The following NFASC variants were observed in gnomAD, a reference collection of about 807,000 sequenced individuals.
NFASC encodes the protein neurofascin, also known as neurofascin homolog.
Under a neutral mutation model 147.5 loss-of-function variants are expected in NFASC, and 43 were observed. The ratio of observed to expected loss-of-function variants is 0.29; its 90% confidence interval spans 0.23 to 0.38. NFASC has a LOEUF of 0.38. Among genes scored for constraint, NFASC ranks in the 10% least tolerant of loss-of-function variants. NFASC has a pLI of 1.00. For missense variants in NFASC, 1,320 were observed against 1,689.0 expected, an observed-to-expected ratio of 0.78 and a Z score of 3.83; for synonymous variants, 622 against 665.5, an observed-to-expected ratio of 0.93 and a Z score of 1.01.
intron 1 of NFASC, among the ~76,000 whole-genome samples, chr1:204,881,294 G>A (rs969012655): frequency 2.0e-5 from 3 of 152,226 alleles, no homozygotes; most frequent in African/African-American, 4.8e-5. Context: ...GTGCAGAGCC[G>A]CTGGGCATTA....
intron 1 of NFASC, among the ~76,000 whole-genome samples, chr1:204,864,253 A>G (rs766146481): frequency 2.0e-5 from 3 of 152,218 alleles, no homozygotes; most frequent in Non-Finnish European, 4.4e-5. Flanking sequence ...CGTTTTGTTT[A>G]TCCACTCATC....
intron 1 of NFASC, among the ~76,000 whole-genome samples, chr1:204,860,630 T>G (rs1327137071): frequency 6.6e-6 from 1 of 152,236 alleles, no homozygotes; most frequent in African/African-American, 2.4e-5. Flanking sequence ...AGTATGCAAT[T>G]CAGTGGCATT....
chr1:204,982,162 A>G (rs972431507), intron 21 of NFASC, 142 bp downstream of exon 21: 7 of 522,386 alleles, frequency 1.3e-5, no homozygotes, highest in African/African-American at 2.0e-5. Flanking sequence ...AGTGACCTAG[A>G]GCAGACAGGC....
chr1:204,844,994 C>G (rs2102567872), intron 1 of NFASC, among the ~76,000 whole-genome samples: 1 of 152,216 alleles, frequency 6.6e-6, no homozygotes, highest in Non-Finnish European at 1.5e-5. Flanking sequence ...AAGGAATGTG[C>G]TTATTAAGGC....
At chr1:204,917,004 T>G (rs1284345982) in intron 1 of NFASC, among the ~76,000 whole-genome samples, 1 of 152,142 alleles carries the variant, frequency 6.6e-6, no homozygotes. Context: ...TTGCTTGAGT[T>G]CAAGAGTTCA....
At chr1:205,009,205 C>T (rs1162696814) in intron 27 of NFASC, 12 of 388,546 alleles carry the variant, frequency 3.1e-5, no homozygotes, top group South Asian at 6.5e-5. Context: ...ATGGCCAATC[C>T]GTGGCCATCC....
At chr1:204,887,772 A>G (rs892248690) in intron 1 of NFASC, among the ~76,000 whole-genome samples, 1 of 151,024 alleles carries the variant, frequency 6.6e-6, no homozygotes, top group African/African-American at 2.4e-5. Context: ...AATTTTTTAT[A>G]TTTTTTGTAG....
intron 1 of NFASC, among the ~76,000 whole-genome samples, chr1:204,897,332 A>G (rs191958179): frequency 5.9e-5 from 9 of 152,256 alleles, no homozygotes; most frequent in Admixed American, 3.3e-4. Flanking sequence ...GGCTGGGACT[A>G]TGAGGTCCTG....
chr1:204,882,342 CG>C (rs1461731065), intron 1 of NFASC, among the ~76,000 whole-genome samples: 2 of 152,182 alleles, frequency 1.3e-5, no homozygotes, highest in Non-Finnish European at 2.9e-5. Context: ...CCTGCTCTGC[CG>C]GGCTGTCTTT....
chr1:204,962,126 C>G (rs2094705564), intron 8 of NFASC: 1 of 1,613,446 alleles, frequency 6.2e-7, no homozygotes. Flanking sequence ...TATAATGACT[C>G]GTCCTTAAGA....
chr1:204,911,211 C>A (rs1330462507), intron 1 of NFASC, among the ~76,000 whole-genome samples: 2 of 152,028 alleles, frequency 1.3e-5, no homozygotes, highest in Non-Finnish European at 2.9e-5. Flanking sequence ...TGTAATTTTT[C>A]TTAATTAGCC....
At chr1:204,918,806 G>A (rs999293938) in intron 1 of NFASC, among the ~76,000 whole-genome samples, 3 of 151,962 alleles carry the variant, frequency 2.0e-5, no homozygotes, top group Non-Finnish European at 2.9e-5. Context: ...GGCTGGTCTC[G>A]AACTCCTGAC....
At chr1:204,855,910 G>A (rs12405413) in intron 1 of NFASC, among the ~76,000 whole-genome samples, 29,999 of 152,082 alleles carry the variant, frequency 0.2, 4,668 homozygotes, top group East Asian at 0.52. Context: ...AAGCACAAGA[G>A]AAATATTTAT....
At chr1:204,831,401 T>A (rs893054765) in intron 1 of NFASC, among the ~76,000 whole-genome samples, 19 of 144,286 alleles carry the variant, frequency 1.3e-4, no homozygotes, top group African/African-American at 4.9e-4. Context: ...AAGAGGTGGC[T>A]GAGAGCTGGG....
intron 21 of NFASC, chr1:204,985,870 T>C (rs2095605505): frequency 7.0e-7 from 1 of 1,431,064 alleles, no homozygotes; most frequent in Admixed American, 1.8e-5. Context: ...AACCCAGCCC[T>C]GCCTGCCTGA....
At chr1:204,894,866 G>A (rs950643302) in intron 1 of NFASC, among the ~76,000 whole-genome samples, 2 of 152,100 alleles carry the variant, frequency 1.3e-5, no homozygotes, top group African/African-American at 4.8e-5. Flanking sequence ...ACCATCCCTG[G>A]CTCCAGAAGT....
intron 21 of NFASC, among the ~76,000 whole-genome samples, chr1:204,985,300 A>G (rs886096286): frequency 1.3e-5 from 2 of 152,140 alleles, no homozygotes; most frequent in Admixed American, 6.5e-5. Flanking sequence ...AAGCTCTGCT[A>G]CCATGCAGCC....
At chr1:205,003,452 C>T (rs928685738) in intron 27 of NFASC, among the ~76,000 whole-genome samples, 2 of 152,174 alleles carry the variant, frequency 1.3e-5, no homozygotes, top group African/African-American at 4.8e-5. Context: ...GCAAAGGGTA[C>T]AAGGTTCAGC....
At chr1:204,863,589 T>A (rs1430799927) in intron 1 of NFASC, among the ~76,000 whole-genome samples, 1 of 151,836 alleles carries the variant, frequency 6.6e-6, no homozygotes, top group African/African-American at 2.4e-5. Flanking sequence ...GTGGCTCAGG[T>A]CTGTAATCCT....
Sources: allele counts gnomAD v4.1 joint callset (sites outside exome capture counted in the v4.1 genomes callset), GRCh38; gene constraint gnomAD v4.1.1; transcripts MANE v1.5; gene names NCBI Gene and HGNC (gene_info 2026-07-23, HGNC 2026-07-21).